STK32B: variants seen among roughly 807,000 people sequenced by gnomAD.
STK32B encodes serine/threonine-protein kinase 32B.
A neutral mutation model predicts 52.6 loss-of-function variants in STK32B; 43 were observed. The ratio of observed to expected loss-of-function variants is 0.82; its 90% CI spans 0.64 to 1.05. The LOEUF (loss-of-function observed/expected upper bound fraction) is 1.05. Ranked by LOEUF, STK32B falls within the 50% of genes least tolerant of loss-of-function variation. The pLI, the probability that STK32B is intolerant of heterozygous loss-of-function variation, is 0.00. For synonymous variants in STK32B, 238 were observed against 204.3 expected, an observed-to-expected ratio of 1.17 and a Z score of -1.41; for missense variants, 621 against 534.6, an observed-to-expected ratio of 1.16 and a Z score of -1.59.
In STK32B at chr4:5,369,868, T is replaced by G. The variant is rs189568413; in HGVS notation, c.435-28339T>G. Among the ~76,000 whole-genome samples, 846 of 151,534 alleles carry G rather than the reference T, an allele frequency of 5.6e-3. 4 individuals are homozygous for G. Among genetic ancestry groups the G allele is most frequent in the South Asian group, 0.015 (74 of 4,806 alleles). ...AGGTAGCTATCAAAGAGTATATTTT[T>G]TTTGTTTGTTTGTTTGTTTTTTTTT... On this transcript the variant is annotated intron_variant, in intron 4 of 11. Coordinates refer to ENST00000282908, the MANE Select transcript of STK32B (RefSeq NM_018401.3).
At chr4:5,348,393 T>C (rs1733604909) in intron 4 of STK32B, among the ~76,000 whole-genome samples, 1 of 152,170 alleles carries the variant, frequency 6.6e-6, no homozygotes, top group African/African-American at 2.4e-5. Flanking sequence ...CATTCTTCCC[T>C]AGGGCCCAAC....
intron 3 of STK32B, among the ~76,000 whole-genome samples, chr4:5,303,382 G>A (rs1487571326): frequency 6.6e-6 from 1 of 152,136 alleles, no homozygotes; most frequent in Non-Finnish European, 1.5e-5. Context: ...ATTCTTGTCA[G>A]AGTGATGTGG....
chr4:5,250,310 CTTTT>C (rs143911318), intron 3 of STK32B, among the ~76,000 whole-genome samples: 7 of 119,242 alleles, frequency 5.9e-5, no homozygotes, highest in Non-Finnish European at 1.1e-4. Flanking sequence ...GTTTTAAGTT[CTTTT>C]TTTTTTTTTT....
chr4:5,139,592 C>G, intron 1 of STK32B: 1 of 336,996 alleles, frequency 3.0e-6, no homozygotes. Context: ...CATTGTTGAC[C>G]TGTCTTGGTG....
At chr4:5,131,922 G>A (rs946815404) in intron 1 of STK32B, among the ~76,000 whole-genome samples, 5 of 152,008 alleles carry the variant, frequency 3.3e-5, no homozygotes, top group African/African-American at 1.2e-4. Context: ...ATGGCAAAAG[G>A]GACTTTTTAG....
intron 6 of STK32B, among the ~76,000 whole-genome samples, chr4:5,441,129 T>C: frequency 1.3e-5 from 2 of 148,948 alleles, no homozygotes; most frequent in African/African-American, 4.9e-5. Flanking sequence ...TAAAATGAGT[T>C]AGGGAGGATT....
chr4:5,181,054 G>C lies in STK32B; in HGVS notation c.260+12604G>C, dbSNP rs549789935. On this transcript the variant is annotated intron_variant, in intron 3 of 11. Transcript: ENST00000282908. ...ATGGGTGTGGGAGAGGAGGAAAGGT[G>C]AGGGGAGAGAAAAGCAGCATGAGTG... 6.6e-5 allele frequency among the ~76,000 whole-genome samples: 10 copies of C among 152,306 alleles called. 1 individual carries two copies. Among genetic ancestry groups the C allele is most frequent in the South Asian group, 6.2e-4 (3 of 4,816 alleles).
intron 11 of STK32B, among the ~76,000 whole-genome samples, chr4:5,487,803 C>A (rs953081549): frequency 1.3e-5 from 2 of 152,076 alleles, no homozygotes; most frequent in African/African-American, 2.4e-5. Flanking sequence ...GTGGAAAACA[C>A]CCCCTTCTTA....
At chr4:5,063,007 C>G (rs540299684) in intron 1 of STK32B, among the ~76,000 whole-genome samples, 1 of 152,276 alleles carries the variant, frequency 6.6e-6, no homozygotes, top group African/African-American at 2.4e-5. Flanking sequence ...ACTGATTGCA[C>G]TGTACTGCTT....
At chr4:5,304,426 T>G (rs905388559) in intron 3 of STK32B, among the ~76,000 whole-genome samples, 3 of 124,622 alleles carry the variant, frequency 2.4e-5, no homozygotes, top group African/African-American at 7.7e-5. Context: ...TTTTATGGTT[T>G]TTTTTTTTTT....
At chr4:5,274,733 T>A (rs560258245) in intron 3 of STK32B, among the ~76,000 whole-genome samples, 1 of 152,274 alleles carries the variant, frequency 6.6e-6, no homozygotes, top group South Asian at 2.1e-4. Context: ...TTTTTCACTC[T>A]ATTAAATCTT....
intron 11 of STK32B, 94 bp from the exon 12 acceptor site, chr4:5,498,851 G>A: frequency 6.8e-7 from 1 of 1,464,200 alleles, no homozygotes; most frequent in East Asian, 2.5e-5. Context: ...TGAGCTGAAG[G>A]CTCCACAGTT....
intron 3 of STK32B, among the ~76,000 whole-genome samples, chr4:5,253,366 A>G (rs901843341): frequency 6.6e-6 from 1 of 151,980 alleles, no homozygotes; most frequent in African/African-American, 2.4e-5. Context: ...CAAAATGTTT[A>G]GATTTGTTGT....
In STK32B at chr4:5,329,583, G is replaced by A. The variant is rs554896190; in HGVS notation, c.261-1637G>A. On this transcript the variant is annotated intron_variant, in intron 3 of 11. Coordinates refer to ENST00000282908, the MANE Select transcript of STK32B (RefSeq NM_018401.3). ...GGAAAGACTCCTAGAATGCCAGCCC[G>A]TGCATTGTCAGTGACTGTCAGCCCA... Among the ~76,000 whole-genome samples the A allele has an allele frequency of 2.3e-4, 35 of 152,240 alleles. 1 individual carries two copies. The South Asian group carries it at 3.7e-3, about 16-fold the overall frequency.
At chr4:5,412,080 AT>A (rs1711736715) in intron 5 of STK32B, among the ~76,000 whole-genome samples, 1 of 152,202 alleles carries the variant, frequency 6.6e-6, no homozygotes, top group Admixed American at 6.5e-5. Context: ...ATGAATTTCC[AT>A]GTGTTCAAAG....
intron 4 of STK32B, among the ~76,000 whole-genome samples, chr4:5,362,752 G>C (rs1734629850): frequency 6.6e-6 from 1 of 152,182 alleles, no homozygotes; most frequent in African/African-American, 2.4e-5. Flanking sequence ...TGAATACCCT[G>C]AATCCTCCCC....
intron 3 of STK32B, among the ~76,000 whole-genome samples, chr4:5,280,724 A>G (rs558216281): frequency 7.2e-4 from 109 of 152,070 alleles, no homozygotes; most frequent in African/African-American, 2.4e-3. Context: ...GTAAAACCAC[A>G]TCTCTACTAA....
the STK32B span, among the ~76,000 whole-genome samples, chr4:5,034,862 G>A: frequency 2.0e-5 from 3 of 152,336 alleles, no homozygotes; most frequent in African/African-American, 4.8e-5. Flanking sequence ...AAGTCCTGGG[G>A]TAATGTCAGT....
intron 1 of STK32B, among the ~76,000 whole-genome samples, chr4:5,082,612 A>G (rs184166779): frequency 6.6e-6 from 1 of 152,330 alleles, no homozygotes; most frequent in Admixed American, 6.5e-5. Flanking sequence ...CTTTTTGACA[A>G]TGAATGAATA....
Sources: allele counts gnomAD v4.1 joint callset (sites outside exome capture counted in the v4.1 genomes callset), GRCh38; gene constraint gnomAD v4.1.1; transcripts MANE v1.5; gene names NCBI Gene and HGNC (gene_info 2026-07-23, HGNC 2026-07-21).